Variants in COLQ observed in about 807,000 individuals in gnomAD.
COLQ encodes the protein collagen like tail subunit of asymmetric acetylcholinesterase.
In COLQ, 48 loss-of-function variants were observed where a neutral mutation model predicts 69.0. The ratio of observed to expected loss-of-function variants is 0.70; its 90% confidence interval spans 0.55 to 0.88. The LOEUF (loss-of-function observed/expected upper bound fraction) is 0.88. COLQ is among the 40% of genes least tolerant of loss of function. The probability of loss-of-function intolerance (pLI) is 0.00; values close to 1 mark genes in which losing one functional copy is unlikely to be tolerated. For synonymous variants in COLQ, 217 were observed against 211.2 expected, an observed-to-expected ratio of 1.03 and a Z score of -0.24; for missense variants, 618 against 594.6, an observed-to-expected ratio of 1.04 and a Z score of -0.41.
chr3:15,473,831 C>T lies in COLQ; in HGVS notation c.636+169G>A, dbSNP rs564725315. Among the ~76,000 whole-genome samples, 27 of 152,336 alleles carry T rather than the reference C, an allele frequency of 1.8e-4. No homozygotes were observed. Among genetic ancestry groups the T allele is most frequent in the African/African-American group, 6.0e-4 (25 of 41,580 alleles). On this transcript the variant is annotated intron_variant, in intron 10 of 16. Transcript: ENST00000383788. The surrounding 1 kb of genome is among the most constrained non-coding windows in gnomAD (Gnocchi z 4.0). ...AGGGAGGCTCCAGACCATCCTGCCA[C>T]CCTCTCCCCAGGGTGAAAAGCAACT...
At chr3:15,466,578 C>T (rs1261112068) in intron 11 of COLQ, 141 bp from the exon 12 acceptor site, 6 of 683,780 alleles carry the variant, frequency 8.8e-6, no homozygotes, top group African/African-American at 5.4e-5. Context: ...TCTTGACCAT[C>T]GAGCTCTTAA....
rs1321899675 is a variant in COLQ, at chr3:15,521,620, A to T, written c.6T>A (p.Val2=). 6.2e-7 allele frequency: 1 copy of T among 1,614,174 alleles called. No individual in the cohort carries two copies. Among genetic ancestry groups the T allele is most frequent in the Non-Finnish European group, 8.5e-7 (1 of 1,180,036 alleles). The change falls in exon 1 of 17, where the codon GTT becomes GTA. Residue 2 remains valine, a synonymous_variant. Coordinates refer to ENST00000383788, the MANE Select transcript of COLQ (RefSeq NM_005677.4). M[V]VLNPMTLGIY... ...TTCCCAAAGTCATTGGATTCAGGAC[A>T]ACCATGCTGGCCAGGGTCTGGCGAG...
chr3:15,489,459 G>A, intron 2 of COLQ, 66 bp downstream of exon 2: 1 of 1,444,132 alleles, frequency 6.9e-7, no homozygotes, highest in Non-Finnish European at 9.7e-7. Context: ...GCAGGCAGGT[G>A]GGGCTGCGTG....
At chr3:15,503,168 G>A (rs2062856229) in intron 1 of COLQ, among the ~76,000 whole-genome samples, 1 of 152,194 alleles carries the variant, frequency 6.6e-6, no homozygotes. Flanking sequence ...TGGTGGGGCA[G>A]TTTCCGGGTT....
intron 6 of COLQ, among the ~76,000 whole-genome samples, chr3:15,475,702 G>A (rs904281663): frequency 2.6e-5 from 4 of 152,070 alleles, no homozygotes; most frequent in East Asian, 1.9e-4. Flanking sequence ...AAATGAAAAC[G>A]CCCAAAGTGA....
In COLQ at chr3:15,470,574, G is replaced by T; in HGVS notation, c.679C>A (p.Arg227=). 1 of 1,614,016 alleles carries T rather than the reference G, an allele frequency of 6.2e-7. No individual in the cohort carries two copies. The highest frequency in any genetic ancestry group is 8.5e-7 in the Non-Finnish European group (1 of 1,180,012). Residue 227 remains arginine (R), a synonymous_variant, in exon 11 of 17, where the codon CGA becomes AGA. Transcript: ENST00000383788. ...PKGEPGIAGH[R]GPTGRPGKRG... ...TTTCCTGGTCTTCCTGTGGGTCCTC[G>T]GTGTCCTGCTATCCCAGGTTCACCT...
chr3:15,453,450 C>T (rs1311213771), intron 16 of COLQ, among the ~76,000 whole-genome samples: 1 of 152,200 alleles, frequency 6.6e-6, no homozygotes, highest in Non-Finnish European at 1.5e-5. Context: ...TGGAAATGCC[C>T]TGAGACCTTT....
At chr3:15,479,274 G>T in intron 4 of COLQ, 64 bp downstream of exon 4, 1 of 1,523,652 alleles carries the variant, frequency 6.6e-7, no homozygotes, top group Non-Finnish European at 9.1e-7. Flanking sequence ...TTCTCAGTGG[G>T]ATGCCCAGAA....
chr3:15,480,526 G>A (rs2062462264), intron 3 of COLQ, among the ~76,000 whole-genome samples: 1 of 152,118 alleles, frequency 6.6e-6, no homozygotes, highest in South Asian at 2.1e-4. Context: ...CTTTTTTATG[G>A]CTGCATAGTA....
intron 1 of COLQ, among the ~76,000 whole-genome samples, chr3:15,492,104 G>C (rs1438320474): frequency 6.6e-6 from 1 of 151,806 alleles, no homozygotes; most frequent in Non-Finnish European, 1.5e-5. Context: ...TAAACATTTT[G>C]ATTATAAGTG....
At chr3:15,507,482 T>C (rs1372505276) in intron 1 of COLQ, among the ~76,000 whole-genome samples, 1 of 152,168 alleles carries the variant, frequency 6.6e-6, no homozygotes, top group African/African-American at 2.4e-5. Flanking sequence ...GAAAAGTGGG[T>C]CTCACTCTGT....
chr3:15,521,628 T>C lies in COLQ; in HGVS notation c.-3A>G. 6.2e-7 allele frequency: 1 copy of C among 1,614,138 alleles called. No individual in the cohort carries two copies. The highest frequency in any genetic ancestry group is 1.1e-5 in the South Asian group (1 of 91,084). ...GTCATTGGATTCAGGACAACCATGCTGGCCAGGGTCTGGCGAGGGTCAAGT... is the reference window on the plus strand; with the variant it reads ...GTCATTGGATTCAGGACAACCATGCCGGCCAGGGTCTGGCGAGGGTCAAGT... On this transcript the variant is annotated 5_prime_UTR_variant, in exon 1 of 17. Transcript: ENST00000383788.
chr3:15,463,192 G>C (rs910839507), intron 12 of COLQ, among the ~76,000 whole-genome samples: 1 of 152,084 alleles, frequency 6.6e-6, no homozygotes, highest in Admixed American at 6.6e-5. Flanking sequence ...GTGAGGGCTG[G>C]CCTTTACAAA....
intron 11 of COLQ, chr3:15,467,706 G>C (rs538483265): frequency 1.6e-5 from 6 of 379,340 alleles, no homozygotes; most frequent in South Asian, 9.9e-5. Context: ...AGCAGTGATT[G>C]ACACTTGCCA....
chr3:15,477,782 T>A (rs976361906), intron 5 of COLQ, among the ~76,000 whole-genome samples: 1 of 152,208 alleles, frequency 6.6e-6, no homozygotes, highest in Non-Finnish European at 1.5e-5. Context: ...CCCCTAGATA[T>A]CAGACTGCTA....
intron 12 of COLQ, among the ~76,000 whole-genome samples, chr3:15,465,169 G>A (rs1376598716): frequency 5.1e-4 from 1 of 1,950 alleles, no homozygotes; most frequent in African/African-American, 2.5e-3. Context: ...GCAAGGCTCC[G>A]TCTTGAAAAC....
At chr3:15,511,103 G>A (rs1187327655) in intron 1 of COLQ, among the ~76,000 whole-genome samples, 1 of 152,160 alleles carries the variant, frequency 6.6e-6, no homozygotes, top group African/African-American at 2.4e-5. Context: ...CAAAGTCAGG[G>A]AAAGTCTAAG....
chr3:15,454,000 G>A, intron 15 of COLQ, 69 bp from the exon 16 acceptor site: 8 of 1,134,954 alleles, frequency 7.0e-6, no homozygotes, highest in Non-Finnish European at 1.0e-5. Context: ...AGCTTGTAAG[G>A]ACCATGCGGC....
chr3:15,474,358 C>T, intron 8 of COLQ, 86 bp from the exon 9 acceptor site: 6 of 1,353,492 alleles, frequency 4.4e-6, no homozygotes, highest in Non-Finnish European at 6.4e-6. Flanking sequence ...CTCCCTAAAC[C>T]AAAACCCTCA....
Sources: allele counts gnomAD v4.1 joint callset (sites outside exome capture counted in the v4.1 genomes callset), GRCh38; gene constraint gnomAD v4.1.1; non-coding constraint Gnocchi (gnomAD v3.1); transcripts MANE v1.5; gene names NCBI Gene and HGNC (gene_info 2026-07-23, HGNC 2026-07-21).